NEBL: variants seen among roughly 807,000 people sequenced by gnomAD.
The protein encoded by NEBL is LIM and SH3 protein 2.
A neutral mutation model predicts 140.2 loss-of-function variants in NEBL; 122 were observed. That is an observed-to-expected ratio of 0.87 (90% CI 0.75 to 1.01). The LOEUF (loss-of-function observed/expected upper bound fraction) is 1.01, where lower values mean the gene tolerates loss of function less well. Ranked by LOEUF, NEBL falls within the 50% of genes least tolerant of loss-of-function variation. The pLI is 0.00. For missense variants in NEBL, 1,365 were observed against 1,231.3 expected, an observed-to-expected ratio of 1.11 and a Z score of -1.62; for synonymous variants, 436 against 398.9, an observed-to-expected ratio of 1.09 and a Z score of -1.11.
At chr10:21,040,455 G>A (rs970414832) in intron 2 of NEBL, among the ~76,000 whole-genome samples, 11 of 152,216 alleles carry the variant, frequency 7.2e-5, no homozygotes, top group Non-Finnish European at 1.0e-4. Context: ...CATGGCAGAA[G>A]GTGAAGGGGG....
At chr10:21,188,886 G>A (rs914524701) in intron 3 of NEBL, among the ~76,000 whole-genome samples, 10 of 152,076 alleles carry the variant, frequency 6.6e-5, no homozygotes, top group Middle Eastern at 6.8e-3. Flanking sequence ...TACCACGTTC[G>A]GCTGTGAATT....
intron 3 of NEBL, among the ~76,000 whole-genome samples, chr10:21,013,963 C>T (rs1838456479): frequency 6.6e-6 from 1 of 152,010 alleles, no homozygotes; most frequent in East Asian, 1.9e-4. Flanking sequence ...GGATCCGGAG[C>T]TGAGCAGGAT....
At chr10:20,970,620 G>T (rs1255849977) in intron 3 of NEBL, among the ~76,000 whole-genome samples, 1 of 151,784 alleles carries the variant, frequency 6.6e-6, no homozygotes, top group African/African-American at 2.4e-5. Context: ...CTGCACTCCA[G>T]CCTGGAAAAC....
intron 2 of NEBL, among the ~76,000 whole-genome samples, chr10:21,085,548 T>C (rs941183513): frequency 1.3e-5 from 2 of 152,110 alleles, no homozygotes; most frequent in African/African-American, 4.8e-5. Flanking sequence ...GGCTGGAGGA[T>C]CATTTGAGCC....
intron 2 of NEBL, among the ~76,000 whole-genome samples, chr10:21,145,315 T>G (rs779560022): frequency 1.4e-4 from 22 of 152,218 alleles, no homozygotes; most frequent in Non-Finnish European, 2.5e-4. Context: ...TATGCCAAAG[T>G]TATTTGTATA....
chr10:21,012,054 C>T (rs1272144953), intron 3 of NEBL, among the ~76,000 whole-genome samples: 1 of 152,244 alleles, frequency 6.6e-6, no homozygotes, highest in Admixed American at 6.5e-5. Flanking sequence ...GGGTGGTTTT[C>T]TCTGCTTTTG....
At chr10:20,825,905 T>C (rs1357697764) in intron 18 of NEBL, among the ~76,000 whole-genome samples, 1 of 152,200 alleles carries the variant, frequency 6.6e-6, no homozygotes, top group Non-Finnish European at 1.5e-5. Context: ...TTGTTTTCGT[T>C]TCTGCTGGAA....
chr10:21,229,567 T>G (rs1240981573), intron 3 of NEBL, among the ~76,000 whole-genome samples: 2 of 152,254 alleles, frequency 1.3e-5, no homozygotes, highest in African/African-American at 4.8e-5. Flanking sequence ...ACCATGAATT[T>G]CACCCTCTAC....
intron 1 of NEBL, among the ~76,000 whole-genome samples, chr10:21,261,107 T>C (rs1291616317): frequency 6.6e-6 from 1 of 152,172 alleles, no homozygotes; most frequent in Non-Finnish European, 1.5e-5. Context: ...GAATCACTAA[T>C]GCTTCTTGCA....
intron 4 of NEBL, among the ~76,000 whole-genome samples, chr10:20,918,711 C>G (rs963118897): frequency 6.6e-6 from 1 of 151,262 alleles, no homozygotes; most frequent in Admixed American, 6.6e-5. Context: ...ACTATACAGG[C>G]GTGGTGGCGG....
intron 4 of NEBL, among the ~76,000 whole-genome samples, chr10:20,935,210 C>A (rs773415499): frequency 2.6e-5 from 4 of 152,172 alleles, no homozygotes; most frequent in Admixed American, 2.0e-4. Context: ...TCCACCATCT[C>A]CTCTCAGATG....
At chr10:21,119,536 C>T (rs1022766951) in intron 2 of NEBL, among the ~76,000 whole-genome samples, 3 of 149,064 alleles carry the variant, frequency 2.0e-5, no homozygotes, top group African/African-American at 7.4e-5. Context: ...CTGAATATAA[C>T]ATATATAACA....
At chr10:20,903,037 T>G (rs963531540) in intron 4 of NEBL, among the ~76,000 whole-genome samples, 1 of 152,196 alleles carries the variant, frequency 6.6e-6, no homozygotes, top group Non-Finnish European at 1.5e-5. Flanking sequence ...ATGATTCTTA[T>G]CCATAGAAAT....
At chr10:21,033,096 A>T (rs928258575) in intron 2 of NEBL, among the ~76,000 whole-genome samples, 2 of 152,200 alleles carry the variant, frequency 1.3e-5, no homozygotes, top group African/African-American at 2.4e-5. Context: ...GCTGATATTG[A>T]TCACGGGAAT....
At position 21,173,432 on chromosome 10, in the gene NEBL, G is replaced by A. The variant is rs2132191010; in HGVS notation, c.69+333C>T. On this transcript the variant is annotated intron_variant, in intron 1 of 6. Transcript: ENST00000417816. The surrounding 1 kb of genome is among the most constrained non-coding windows in gnomAD (Gnocchi z 5.7). ...TGGAACACGAGTGGAGGTGGAGGGG[G>A]CGCGGCTCGCCGAAGTGCCCCCCTG... Among the ~76,000 whole-genome samples the A allele has an allele frequency of 6.6e-6, 1 of 152,180 alleles. No homozygotes were observed. The highest frequency in any genetic ancestry group is 6.5e-5 in the Admixed American group (1 of 15,304).
chr10:21,244,242 T>G (rs758579244), intron 3 of NEBL, among the ~76,000 whole-genome samples: 1 of 152,058 alleles, frequency 6.6e-6, no homozygotes, highest in East Asian at 2.0e-4. Flanking sequence ...CTTGGCTCAC[T>G]GCAACCTCTG....
rs183620424 is a variant in NEBL at position 20,991,613 on chromosome 10, T to A, written c.249+28504A>T. Among the ~76,000 whole-genome samples the A allele has an allele frequency of 1.4e-4, 21 of 152,270 alleles. No individual in the cohort carries two copies. In the East Asian group the frequency reaches 3.1e-3, roughly 22 times the overall value. On this transcript the variant is annotated intron_variant, in intron 3 of 6. Coordinates refer to the NEBL transcript ENST00000417816. ...TTTTTTGTTTTGTTTTTAATTTTTT[T>A]AATTTTTTTCTATTTTTATATTCAG...
At chr10:21,231,057 T>C (rs1227095290) in intron 3 of NEBL, among the ~76,000 whole-genome samples, 1 of 152,234 alleles carries the variant, frequency 6.6e-6, no homozygotes, top group Non-Finnish European at 1.5e-5. Context: ...GTCAATTGAT[T>C]CACAATCATG....
At chr10:20,865,599 C>T (rs547110257) in intron 7 of NEBL, among the ~76,000 whole-genome samples, 1 of 152,218 alleles carries the variant, frequency 6.6e-6, no homozygotes, top group South Asian at 2.1e-4. Flanking sequence ...TTGTAAGAGG[C>T]CAGTAGCTAT....
Sources: gnomAD v4.1 joint callset for allele counts (sites outside exome capture counted in the v4.1 genomes callset) on GRCh38, gnomAD v4.1.1 for gene constraint, Gnocchi (gnomAD v3.1) non-coding constraint, MANE v1.5 for transcripts, NCBI Gene and HGNC (gene_info 2026-07-23, HGNC 2026-07-21) for gene names.